Variants in DSCAML1 observed in about 807,000 individuals in gnomAD.
DSCAML1 encodes the protein DS cell adhesion molecule like 1, also known as cell adhesion molecule DSCAML1.
DSCAML1 carries 38 observed loss-of-function variants against 200.5 expected under a neutral mutation model. The observed-to-expected ratio is 0.19, with a 90% CI of 0.15 to 0.25. The LOEUF is 0.25. Among genes scored for constraint, DSCAML1 ranks in the 10% least tolerant of loss-of-function variants. The probability of loss-of-function intolerance (pLI) is 1.00; values close to 1 mark genes in which losing one functional copy is unlikely to be tolerated. For synonymous variants in DSCAML1, 1,215 were observed against 1,165.0 expected (o/e 1.04, Z -0.87); for missense variants, 2,223 against 2,858.8 (o/e 0.78, Z 5.07).
At chr11:117,735,548 C>T (rs2054302114) in intron 3 of DSCAML1, among the ~76,000 whole-genome samples, 1 of 152,078 alleles carries the variant, frequency 6.6e-6, no homozygotes, top group Non-Finnish European at 1.5e-5. Context: ...TTCAAAAGCA[C>T]ATGAAAAAAT....
intron 3 of DSCAML1, among the ~76,000 whole-genome samples, chr11:117,546,456 G>GA (rs1565780198): frequency 1.4e-4 from 21 of 152,284 alleles, no homozygotes; most frequent in Admixed American, 1.3e-3. Flanking sequence ...TCTAAGTGGG[G>GA]GACTCAGAAC....
At chr11:117,591,999 A>G (rs988035370) in intron 3 of DSCAML1, among the ~76,000 whole-genome samples, 1 of 152,118 alleles carries the variant, frequency 6.6e-6, no homozygotes, top group East Asian at 1.9e-4. Context: ...CTTGGCAGGG[A>G]CAACCTGGGC....
chr11:117,657,808 G>C (rs550015192), intron 3 of DSCAML1, among the ~76,000 whole-genome samples: 1 of 152,286 alleles, frequency 6.6e-6, no homozygotes, highest in African/African-American at 2.4e-5. Context: ...CTGAGATTCT[G>C]AACTGTGATC....
intron 19 of DSCAML1, among the ~76,000 whole-genome samples, chr11:117,454,208 C>T (rs948742209): frequency 1.3e-5 from 2 of 152,118 alleles, no homozygotes; most frequent in Non-Finnish European, 2.9e-5. Flanking sequence ...ACCAGCATCA[C>T]CCGGGAGCAC....
At chr11:117,449,602 G>A (rs552340169) in intron 20 of DSCAML1, among the ~76,000 whole-genome samples, 7 of 152,262 alleles carry the variant, frequency 4.6e-5, no homozygotes, top group African/African-American at 1.7e-4. Flanking sequence ...GGGAGGAGCA[G>A]GCCTCCTGCT....
rs541819988 is a variant in DSCAML1 at position 117,693,414 on chromosome 11, A to G, written c.511+83377T>C. The stretch of plus-strand genomic sequence containing the variant: ...CTTCTGCATTCTGTGTCATTCATCT[A>G]TTTGAAAAACATGCCTTCTGGGTTT... On this transcript the variant is annotated intron_variant, in intron 3 of 32. Coordinates refer to ENST00000651296, the MANE Select transcript of DSCAML1 (RefSeq NM_020693.4). Among the ~76,000 whole-genome samples the G allele has an allele frequency of 3.7e-4, 57 of 152,250 alleles. 1 individual carries two copies. The South Asian group carries it at 0.011, about 30-fold the overall frequency.
At chr11:117,813,430 C>T (rs952643390) in intron 1 of DSCAML1, among the ~76,000 whole-genome samples, 4 of 152,210 alleles carry the variant, frequency 2.6e-5, no homozygotes, top group African/African-American at 9.7e-5. Flanking sequence ...ACTGTTTCTC[C>T]AAGCCATCAC....
intron 1 of DSCAML1, among the ~76,000 whole-genome samples, chr11:117,811,615 G>GCC (rs1289229013): frequency 6.6e-6 from 1 of 152,182 alleles, no homozygotes; most frequent in Non-Finnish European, 1.5e-5. Flanking sequence ...TTCCTCCTAA[G>GCC]CCGTGTCCCA....
chr11:117,593,559 C>A (rs1259509455), intron 3 of DSCAML1, among the ~76,000 whole-genome samples: 1 of 152,230 alleles, frequency 6.6e-6, no homozygotes, highest in African/African-American at 2.4e-5. Context: ...GCCGGGACAG[C>A]ACTGCAACTT....
rs549616642 is a variant in DSCAML1 at position 117,518,780 on chromosome 11, C to A, written c.1214-18G>T. ...CGTGCCATCTGCAGGGAGCGAGAAG[C>A]CCCCTTCAGGGTCACCAAGCCATGG... On this transcript the variant is annotated intron_variant, in intron 6 of 32. Coordinates refer to ENST00000651296, the MANE Select transcript of DSCAML1 (RefSeq NM_020693.4). The surrounding 1 kb of genome is among the most constrained non-coding windows in gnomAD (Gnocchi z 6.3). 1.3e-5 allele frequency: 21 copies of A among 1,602,602 alleles called. No homozygotes were observed. In the East Asian group the frequency reaches 4.2e-4, roughly 32 times the overall value.
chr11:117,508,358 C>G (rs376112717), intron 8 of DSCAML1, among the ~76,000 whole-genome samples: 1 of 152,160 alleles, frequency 6.6e-6, no homozygotes, highest in East Asian at 1.9e-4. Flanking sequence ...GGGTAACTCC[C>G]TATATAAGTC....
intron 3 of DSCAML1, among the ~76,000 whole-genome samples, chr11:117,639,700 G>T (rs1302571568): frequency 6.6e-6 from 1 of 152,060 alleles, no homozygotes; most frequent in Non-Finnish European, 1.5e-5. Context: ...ATTCTGCCAC[G>T]GGCTTGTGTG....
intron 3 of DSCAML1, among the ~76,000 whole-genome samples, chr11:117,730,698 C>T (rs1290469485): frequency 2.0e-5 from 3 of 152,196 alleles, no homozygotes; most frequent in African/African-American, 2.4e-5. Flanking sequence ...CAATTCCCCT[C>T]GCAGGTATCT....
intron 3 of DSCAML1, among the ~76,000 whole-genome samples, chr11:117,597,585 AC>A (rs1301527495): frequency 1.3e-5 from 2 of 152,196 alleles, no homozygotes; most frequent in African/African-American, 2.4e-5. Flanking sequence ...AGTAGCTGGA[AC>A]TACAGGCGTG....
chr11:117,733,703 T>A lies in DSCAML1; in HGVS notation c.511+43088A>T, dbSNP rs116614522. Among the ~76,000 whole-genome samples, 1,468 of 152,332 alleles carry A rather than the reference T, an allele frequency of 9.6e-3. 24 individuals carry two copies. Among genetic ancestry groups the A allele is most frequent in the African/African-American group, 0.032 (1,346 of 41,572 alleles). On this transcript the variant is annotated intron_variant, in intron 3 of 32. Transcript: ENST00000651296. ...TGCATGCATATATGTGCACATCTTG[T>A]CTTTTGGGGGACCATCTGGATAAGT...
intron 3 of DSCAML1, among the ~76,000 whole-genome samples, chr11:117,715,528 A>G (rs2053937370): frequency 6.6e-6 from 1 of 152,206 alleles, no homozygotes; most frequent in Admixed American, 6.5e-5. Flanking sequence ...TGTGGTGGTG[A>G]ACTAGACAGC....
chr11:117,628,964 G>A (rs542081163), intron 3 of DSCAML1, among the ~76,000 whole-genome samples: 2 of 152,278 alleles, frequency 1.3e-5, no homozygotes, highest in South Asian at 4.1e-4. Context: ...CTGCTGGCTA[G>A]ACAGAATCCA....
chr11:117,514,572 CTTTTTTTTTTTTTT>C (rs532136039), intron 8 of DSCAML1, among the ~76,000 whole-genome samples: 6 of 98,292 alleles, frequency 6.1e-5, no homozygotes, highest in East Asian at 4.0e-4. Context: ...TTTTCTTTTT[CTTTTTTTTTTTTTT>C]TTTTTTTTTT....
intron 3 of DSCAML1, among the ~76,000 whole-genome samples, chr11:117,622,575 G>A (rs1230256356): frequency 6.6e-6 from 1 of 152,138 alleles, no homozygotes; most frequent in Non-Finnish European, 1.5e-5. Flanking sequence ...GCATTCTGGG[G>A]CTCTCACTCC....
Sources: allele counts gnomAD v4.1 joint callset (sites outside exome capture counted in the v4.1 genomes callset), GRCh38; gene constraint gnomAD v4.1.1; non-coding constraint Gnocchi (gnomAD v3.1); transcripts MANE v1.5; gene names NCBI Gene and HGNC (gene_info 2026-07-23, HGNC 2026-07-21).